Variants in LRFN2 observed in about 807,000 individuals in gnomAD.
The protein encoded by LRFN2 is leucine rich repeat and fibronectin type III domain containing 2, also known as leucine-rich repeat and fibronectin type-III domain-containing protein 2.
LRFN2 carries 18 observed loss-of-function variants against 37.3 expected under a neutral mutation model. The observed-to-expected ratio is 0.48, with a 90% CI of 0.33 to 0.72. The LOEUF is 0.72. Among genes scored for constraint, LRFN2 ranks in the 30% least tolerant of loss-of-function variants. The pLI is 0.02. For missense variants in LRFN2, 1,006 were observed against 1,060.7 expected, an observed-to-expected ratio of 0.95 and a Z score of 0.72; for synonymous variants, 556 against 466.6, an observed-to-expected ratio of 1.19 and a Z score of -2.47.
intron 1 of LRFN2, among the ~76,000 whole-genome samples, chr6:40,434,342 C>A (rs1450415185): frequency 1.3e-5 from 2 of 152,186 alleles, no homozygotes; most frequent in Admixed American, 6.5e-5. Context: ...CTAAATGTGG[C>A]CTTATTGATA....
At chr6:40,507,616 T>A (rs1480777977) in intron 1 of LRFN2, among the ~76,000 whole-genome samples, 2 of 152,172 alleles carry the variant, frequency 1.3e-5, no homozygotes, top group Non-Finnish European at 2.9e-5. Context: ...GAACCTCAGT[T>A]TTCTCCTCTG....
At position 40,580,050 on chromosome 6, in the gene LRFN2, A is replaced by G. The variant is rs1056512721; in HGVS notation, c.-19+6891T>C. ...GAAAAGCACAGAAGCTATAGCCTCA[A>G]GAGGTGAGGTGGGCTGAGACTACAA... is the stretch of plus-strand genomic sequence containing the variant. On this transcript the variant is annotated intron_variant, in intron 1 of 2. Coordinates refer to ENST00000338305, the MANE Select transcript of LRFN2 (RefSeq NM_020737.3). Among the ~76,000 whole-genome samples the G allele has an allele frequency of 6.6e-5, 10 of 152,320 alleles. No individual in the cohort carries two copies. The South Asian group carries it at 1.2e-3, about 19-fold the overall frequency.
chr6:40,401,575 A>G (rs1258806451), intron 2 of LRFN2, among the ~76,000 whole-genome samples: 2 of 152,200 alleles, frequency 1.3e-5, no homozygotes, highest in Non-Finnish European at 2.9e-5. Context: ...ATTATTTGCA[A>G]CAGCAGTTGC....
chr6:40,505,933 C>G (rs902125176), intron 1 of LRFN2, among the ~76,000 whole-genome samples: 11 of 152,204 alleles, frequency 7.2e-5, no homozygotes, highest in African/African-American at 2.2e-4. Flanking sequence ...TGACATGAGA[C>G]AGTGTGGCCA....
At chr6:40,583,823 TG>T (rs1767450329) in intron 1 of LRFN2, among the ~76,000 whole-genome samples, 1 of 152,142 alleles carries the variant, frequency 6.6e-6, no homozygotes, top group Non-Finnish European at 1.5e-5. Flanking sequence ...AACATTCCTC[TG>T]AGGTCACCCT....
chr6:40,414,640 G>A (rs890935327), intron 2 of LRFN2, among the ~76,000 whole-genome samples: 2 of 152,186 alleles, frequency 1.3e-5, no homozygotes, highest in African/African-American at 4.8e-5. Flanking sequence ...GAAATGCAAT[G>A]ACTTGAAACA....
At chr6:40,557,317 T>C (rs1766909051) in intron 1 of LRFN2, among the ~76,000 whole-genome samples, 1 of 152,070 alleles carries the variant, frequency 6.6e-6, no homozygotes, top group African/African-American at 2.4e-5. Flanking sequence ...AGATAAAGCA[T>C]AAAGGTCAGA....
In LRFN2 at chr6:40,392,097, G is replaced by T. The variant is rs771949075; in HGVS notation, c.2216C>A (p.Pro739Gln). The change falls in exon 3 of 3, where the codon CCG (proline) becomes CAG (glutamine). Residue 739 changes from proline to glutamine, a missense_variant. Physicochemically the swap from Pro to Gln is moderately conservative, Grantham distance 76. Coordinates refer to ENST00000338305, the MANE Select transcript of LRFN2 (RefSeq NM_020737.3). This position sits in a 1 kb window ranked among gnomAD's most constrained non-coding sequence, Gnocchi z 4.7. ...CTTCCGAGGAGGACTGTAGCCGCCCGGCACGACCCCTCCCGCCGCCGCAGC... is the reference window on the plus strand; with the variant it reads ...CTTCCGAGGAGGACTGTAGCCGCCCTGCACGACCCCTCCCGCCGCCGCAGC... ...FAAAAAGGVV[P>Q]GGYSPPRKVS... 10 of 1,613,538 alleles carry T rather than the reference G, an allele frequency of 6.2e-6. No homozygotes were observed. The highest frequency in any genetic ancestry group is 8.5e-6 in the Non-Finnish European group (10 of 1,179,918).
chr6:40,407,342 C>G (rs1473260371), intron 2 of LRFN2, among the ~76,000 whole-genome samples: 1 of 151,958 alleles, frequency 6.6e-6, no homozygotes, highest in Non-Finnish European at 1.5e-5. Flanking sequence ...ACAGAAATCT[C>G]TCTTTGAAGG....
intron 1 of LRFN2, among the ~76,000 whole-genome samples, chr6:40,522,716 A>G (rs557801802): frequency 1.3e-5 from 2 of 152,302 alleles, no homozygotes; most frequent in East Asian, 3.9e-4. Flanking sequence ...CTATGGAGGA[A>G]TCCTGGGAGC....
intron 1 of LRFN2, among the ~76,000 whole-genome samples, chr6:40,511,321 G>A (rs1765703691): frequency 6.6e-6 from 1 of 152,168 alleles, no homozygotes; most frequent in African/African-American, 2.4e-5. Context: ...TTAGAAGATG[G>A]ATGGTAATTT....
intron 2 of LRFN2, among the ~76,000 whole-genome samples, chr6:40,426,697 A>G (rs1372759494): frequency 1.3e-5 from 2 of 152,308 alleles, no homozygotes; most frequent in East Asian, 3.9e-4. Context: ...AATACTTCGA[A>G]TAAGTTAAAG....
chr6:40,480,818 C>T (rs1326752897), intron 1 of LRFN2, among the ~76,000 whole-genome samples: 1 of 152,194 alleles, frequency 6.6e-6, no homozygotes, highest in Non-Finnish European at 1.5e-5. Context: ...AGGTGGAATA[C>T]AAGCGCTCAT....
At chr6:40,429,465 T>C (rs1304086547) in intron 2 of LRFN2, among the ~76,000 whole-genome samples, 1 of 152,244 alleles carries the variant, frequency 6.6e-6, no homozygotes, top group East Asian at 1.9e-4. Context: ...TAAAGAAATA[T>C]ATTTATTTTC....
chr6:40,510,851 G>A (rs1029447996), intron 1 of LRFN2, among the ~76,000 whole-genome samples: 1 of 152,172 alleles, frequency 6.6e-6, no homozygotes, highest in Non-Finnish European at 1.5e-5. Flanking sequence ...AGAAGCATTG[G>A]GAAGACGAGA....
At chr6:40,499,349 T>C (rs1283743177) in intron 1 of LRFN2, among the ~76,000 whole-genome samples, 1 of 152,092 alleles carries the variant, frequency 6.6e-6, no homozygotes, top group African/African-American at 2.4e-5. Flanking sequence ...GGATTTTTGC[T>C]GAGCCATTAC....
intron 1 of LRFN2, among the ~76,000 whole-genome samples, chr6:40,547,476 A>G (rs181629043): frequency 3.3e-5 from 5 of 152,154 alleles, no homozygotes; most frequent in African/African-American, 1.2e-4. Flanking sequence ...CACCTGCTCT[A>G]TTACACCATT....
At chr6:40,424,806 A>T (rs1177558759) in intron 2 of LRFN2, among the ~76,000 whole-genome samples, 2 of 151,924 alleles carry the variant, frequency 1.3e-5, no homozygotes, top group Admixed American at 1.3e-4. Context: ...GGCATGCCCC[A>T]CTCCCTTTAG....
intron 1 of LRFN2, among the ~76,000 whole-genome samples, chr6:40,579,140 A>G (rs2113799164): frequency 6.6e-6 from 1 of 152,300 alleles, no homozygotes; most frequent in South Asian, 2.1e-4. Context: ...CCTCATTCAC[A>G]GATTCTTGCC....
Sources: allele counts gnomAD v4.1 joint callset (sites outside exome capture counted in the v4.1 genomes callset), GRCh38; gene constraint gnomAD v4.1.1; non-coding constraint Gnocchi (gnomAD v3.1); transcripts MANE v1.5; gene names NCBI Gene and HGNC (gene_info 2026-07-23, HGNC 2026-07-21).